MROH2B: variants seen among roughly 807,000 people sequenced by gnomAD.
MROH2B encodes the protein maestro heat-like repeat-containing protein family member 2B.
A neutral mutation model predicts 208.6 loss-of-function variants in MROH2B; 177 were observed. The observed-to-expected ratio is 0.85, with a 90% CI of 0.75 to 0.96. The LOEUF (loss-of-function observed/expected upper bound fraction) is 0.96, where lower values mean the gene tolerates loss of function less well. MROH2B is among the 40% of genes least tolerant of loss of function. The probability of loss-of-function intolerance (pLI) is 0.00; values close to 1 mark genes in which losing one functional copy is unlikely to be tolerated. For synonymous variants in MROH2B, 728 were observed against 659.0 expected (o/e 1.10, Z -1.60); for missense variants, 2,002 against 1,878.7 (o/e 1.07, Z -1.21).
At chr5:41,020,872 G>T (rs1436356369) in intron 24 of MROH2B, among the ~76,000 whole-genome samples, 2 of 152,166 alleles carry the variant, frequency 1.3e-5, no homozygotes, top group Non-Finnish European at 2.9e-5. Flanking sequence ...AACATCCCCT[G>T]TAAGATCAAG....
chr5:41,044,083 CA>C (rs57264129), intron 18 of MROH2B, among the ~76,000 whole-genome samples: 70,446 of 130,208 alleles, frequency 0.54, 17,605 homozygotes, highest in Non-Finnish European at 0.57. Context: ...ACTAAAAATA[CA>C]AAAAAAAAAA....
At chr5:41,044,900 C>T (rs896668061) in intron 18 of MROH2B, among the ~76,000 whole-genome samples, 32 of 152,166 alleles carry the variant, frequency 2.1e-4, no homozygotes, top group African/African-American at 7.5e-4. Flanking sequence ...CTATGTCAAG[C>T]ACTTCACCAG....
chr5:41,064,099 G>A (rs1047793779), intron 5 of MROH2B, among the ~76,000 whole-genome samples: 3 of 152,180 alleles, frequency 2.0e-5, no homozygotes, highest in Admixed American at 2.0e-4. Context: ...TAGAGAAGGA[G>A]GTCAGTCGAA....
chr5:41,044,043 T>C (rs1423787773), intron 18 of MROH2B, among the ~76,000 whole-genome samples: 4 of 146,610 alleles, frequency 2.7e-5, no homozygotes, highest in Non-Finnish European at 1.5e-5. Flanking sequence ...ATCGAGACCA[T>C]CCTGGCTAAC....
intron 22 of MROH2B, 137 bp downstream of exon 22, chr5:41,033,701 T>A (rs943742745): frequency 8.4e-5 from 58 of 689,016 alleles, no homozygotes; most frequent in African/African-American, 7.9e-4. Context: ...GACTTCAGAA[T>A]TGGATTGTTA....
At chr5:41,005,224 T>C (rs1463583142) in intron 35 of MROH2B, 1 of 527,114 alleles carries the variant, frequency 1.9e-6, no homozygotes, top group Non-Finnish European at 3.3e-6. Context: ...TTGGCTGGAA[T>C]AGTCTTCAGG....
chr5:41,042,281 TA>T, intron 18 of MROH2B, 73 bp from the exon 19 acceptor site: 1 of 886,352 alleles, frequency 1.1e-6, no homozygotes, highest in Non-Finnish European at 1.8e-6. Flanking sequence ...TGGAAAGAGT[TA>T]AAATAATCAT....
intron 41 of MROH2B, 26 bp downstream of exon 41, chr5:40,998,586 T>C (rs372109165): frequency 4.5e-6 from 7 of 1,556,734 alleles, no homozygotes; most frequent in East Asian, 2.3e-5. Context: ...AACAATATGC[T>C]GGGAAGAAAC....
intron 24 of MROH2B, among the ~76,000 whole-genome samples, chr5:41,027,952 A>T (rs879391716): frequency 2.7e-5 from 4 of 145,988 alleles, no homozygotes; most frequent in Non-Finnish European, 6.0e-5. Flanking sequence ...AAAACCAAAC[A>T]CCGCTTGTTC....
chr5:41,004,994 A>C, intron 35 of MROH2B, 74 bp from the exon 36 acceptor site: 5 of 1,539,230 alleles, frequency 3.2e-6, no homozygotes, highest in Non-Finnish European at 3.5e-6. Flanking sequence ...CAAAGACATC[A>C]CAAGTACAAT....
chr5:41,037,858 C>T (rs947611155), intron 21 of MROH2B, among the ~76,000 whole-genome samples: 1 of 152,212 alleles, frequency 6.6e-6, no homozygotes, highest in Admixed American at 6.5e-5. Context: ...ACATTTTACA[C>T]TTGATTCTTG....
rs112539192 is a variant in MROH2B at position 41,027,019 on chromosome 5, C to A, written c.2441+5723G>T. Among the ~76,000 whole-genome samples, 5 of 151,746 alleles carry A rather than the reference C, an allele frequency of 3.3e-5. 1 individual carries two copies. Among genetic ancestry groups the A allele is most frequent in the African/African-American group, 1.2e-4 (5 of 41,066 alleles). ...GCTGAAACTGGATCCCTTCCTTACA[C>A]CTTATACAAAAATTAATTCAAGATG... On this transcript the variant is annotated intron_variant, in intron 24 of 41. Transcript: ENST00000399564.
intron 1 of MROH2B, 24 bp from the exon 2 acceptor site, chr5:41,069,776 A>G (rs1364235531): frequency 2.0e-6 from 3 of 1,526,408 alleles, no homozygotes; most frequent in African/African-American, 1.4e-5. Context: ...AAAAATATGA[A>G]TTGAAATATA....
At chr5:41,047,268 G>A (rs1296068842) in intron 17 of MROH2B, among the ~76,000 whole-genome samples, 1 of 152,102 alleles carries the variant, frequency 6.6e-6, no homozygotes, top group Non-Finnish European at 1.5e-5. Context: ...TTCGTTTTTG[G>A]AAATGGATAA....
At chr5:41,058,241 C>A in intron 6 of MROH2B, 38 bp from the exon 7 acceptor site, 5 of 1,448,748 alleles carry the variant, frequency 3.5e-6, no homozygotes, top group Non-Finnish European at 4.6e-6. Flanking sequence ...TCTGAAACTT[C>A]CTTATGTTTT....
chr5:41,025,358 C>T (rs1403790633), intron 24 of MROH2B, among the ~76,000 whole-genome samples: 1 of 152,012 alleles, frequency 6.6e-6, no homozygotes, highest in Non-Finnish European at 1.5e-5. Flanking sequence ...GGGATATCAC[C>T]ACCGATCCCA....
intron 16 of MROH2B, among the ~76,000 whole-genome samples, 200 bp from the exon 17 acceptor site, chr5:41,047,964 A>C (rs1323618388): frequency 6.6e-6 from 1 of 152,186 alleles, no homozygotes; most frequent in Non-Finnish European, 1.5e-5. Context: ...TATCATAAAA[A>C]TCTAGGCTTT....
intron 24 of MROH2B, among the ~76,000 whole-genome samples, chr5:41,021,053 C>T (rs894476334): frequency 6.6e-6 from 1 of 152,190 alleles, no homozygotes; most frequent in Non-Finnish European, 1.5e-5. Flanking sequence ...TCTAATGACT[C>T]TACCAAAAAA....
chr5:41,045,961 A>G (rs1176419620), intron 17 of MROH2B, 108 bp from the exon 18 acceptor site: 2 of 593,764 alleles, frequency 3.4e-6, no homozygotes, highest in Non-Finnish European at 5.5e-6. Flanking sequence ...TTTAAATAGT[A>G]TTATTCCCTT....
Sources: gnomAD v4.1 joint callset for allele counts (sites outside exome capture counted in the v4.1 genomes callset) on GRCh38, gnomAD v4.1.1 for gene constraint, MANE v1.5 for transcripts, NCBI Gene and HGNC (gene_info 2026-07-23, HGNC 2026-07-21) for gene names.